Variants in EFCAB6 observed in about 807,000 individuals in gnomAD.
EFCAB6 encodes EF-hand calcium-binding domain-containing protein 6.
Under a neutral mutation model 169.8 loss-of-function variants are expected in EFCAB6, and 156 were observed. That is an observed-to-expected ratio of 0.92 (90% CI 0.81 to 1.05). The LOEUF is 1.05. Ranked by LOEUF, EFCAB6 falls within the 50% of genes least tolerant of loss-of-function variation. The pLI is 0.00. For synonymous variants in EFCAB6, 698 were observed against 676.4 expected, an observed-to-expected ratio of 1.03 and a Z score of -0.50; for missense variants, 1,800 against 1,829.1, an observed-to-expected ratio of 0.98 and a Z score of 0.29.
At chr22:43,567,812 C>A (rs1180104278) in intron 26 of EFCAB6, among the ~76,000 whole-genome samples, 1 of 152,190 alleles carries the variant, frequency 6.6e-6, no homozygotes, top group Non-Finnish European at 1.5e-5. Flanking sequence ...CCATGCGAGG[C>A]AGCCACAGCT....
chr22:43,611,576 C>T (rs973067161), intron 21 of EFCAB6, among the ~76,000 whole-genome samples: 2 of 152,210 alleles, frequency 1.3e-5, no homozygotes, highest in East Asian at 1.9e-4. Flanking sequence ...GTAGGCAGAT[C>T]GCTTGAGCCC....
intron 6 of EFCAB6, among the ~76,000 whole-genome samples, chr22:43,737,531 T>C (rs1350034302): frequency 6.7e-6 from 1 of 148,852 alleles, no homozygotes; most frequent in African/African-American, 2.5e-5. Flanking sequence ...ACACACACCA[T>C]CACTCACACA....
At chr22:43,708,605 T>A (rs2059044993) in intron 10 of EFCAB6, among the ~76,000 whole-genome samples, 1 of 152,088 alleles carries the variant, frequency 6.6e-6, no homozygotes, top group Non-Finnish European at 1.5e-5. Context: ...TATATGCTAT[T>A]TAATAAGAAA....
At chr22:43,738,989 T>G (rs1272548955) in intron 6 of EFCAB6, among the ~76,000 whole-genome samples, 2 of 152,172 alleles carry the variant, frequency 1.3e-5, no homozygotes, top group East Asian at 3.8e-4. Context: ...GAAGTGCTCC[T>G]GCCCGTCCTA....
intron 8 of EFCAB6, among the ~76,000 whole-genome samples, chr22:43,729,271 T>C (rs1052113863): frequency 6.6e-6 from 1 of 152,160 alleles, no homozygotes; most frequent in Non-Finnish European, 1.5e-5. Flanking sequence ...TCTTTCTTTT[T>C]TTAAATAGAG....
At chr22:43,644,763 A>G (rs1193252753) in intron 17 of EFCAB6, among the ~76,000 whole-genome samples, 2 of 152,244 alleles carry the variant, frequency 1.3e-5, no homozygotes, top group African/African-American at 4.8e-5. Flanking sequence ...CATAAAAACT[A>G]AAAGACTAGA....
intron 17 of EFCAB6, among the ~76,000 whole-genome samples, chr22:43,641,222 T>C (rs375923016): frequency 1.3e-5 from 2 of 152,254 alleles, no homozygotes; most frequent in African/African-American, 4.8e-5. Flanking sequence ...CTTGCTATTG[T>C]GTCTGGTTGA....
intron 6 of EFCAB6, among the ~76,000 whole-genome samples, chr22:43,748,720 CCA>C (rs1428975146): frequency 2.6e-5 from 4 of 152,136 alleles, no homozygotes; most frequent in Non-Finnish European, 5.9e-5. Context: ...AACACAGATC[CCA>C]GTCACAAACA....
chr22:43,780,155 C>T (rs1022200949), intron 3 of EFCAB6, among the ~76,000 whole-genome samples: 2 of 152,090 alleles, frequency 1.3e-5, no homozygotes, highest in African/African-American at 4.8e-5. Flanking sequence ...GTGTGAGCTT[C>T]CTGAAGGGTA....
chr22:43,770,387 T>C (rs1266606040), intron 4 of EFCAB6, among the ~76,000 whole-genome samples: 3 of 152,194 alleles, frequency 2.0e-5, no homozygotes, highest in African/African-American at 7.2e-5. Context: ...AAGACCCCTC[T>C]CAATGGAAAA....
Position 43,556,945 on chromosome 22 carries a change from C to T in EFCAB6, c.3421-1849G>A, listed in dbSNP as rs138980378. On this transcript the variant is annotated intron_variant, in intron 26 of 31. Transcript: ENST00000262726. Reference sequence around the variant, plus strand: ...CAAATGCACTTCTCAGACCCAAATACACGAGCATGTCCCTAAGGGATGTTG... The same window carrying T: ...CAAATGCACTTCTCAGACCCAAATATACGAGCATGTCCCTAAGGGATGTTG... Among the ~76,000 whole-genome samples, 161 of 152,312 alleles carry T rather than the reference C, an allele frequency of 1.1e-3. 1 individual carries two copies. Among genetic ancestry groups the T allele is most frequent in the Middle Eastern group, 6.8e-3 (2 of 294 alleles).
chr22:43,596,116 T>C (rs1014088679), intron 23 of EFCAB6, among the ~76,000 whole-genome samples: 1 of 152,110 alleles, frequency 6.6e-6, no homozygotes, highest in African/African-American at 2.4e-5. Context: ...ATAGGCCATA[T>C]ATGACAAACC....
chr22:43,531,827 G>T (rs1399120022), intron 30 of EFCAB6, among the ~76,000 whole-genome samples: 1 of 152,182 alleles, frequency 6.6e-6, no homozygotes, highest in Non-Finnish European at 1.5e-5. Flanking sequence ...CACAGGGCAG[G>T]ACCACCAGCC....
intron 8 of EFCAB6, among the ~76,000 whole-genome samples, chr22:43,727,888 GTTTT>G (rs900549409): frequency 6.8e-6 from 1 of 146,580 alleles, no homozygotes; most frequent in Non-Finnish European, 1.5e-5. Flanking sequence ...GCTTCAAGAA[GTTTT>G]TTTTTTTTCT....
intron 8 of EFCAB6, among the ~76,000 whole-genome samples, chr22:43,728,568 C>T (rs2059822417): frequency 6.6e-6 from 1 of 152,218 alleles, no homozygotes; most frequent in Non-Finnish European, 1.5e-5. Flanking sequence ...TCCTCTCCAG[C>T]ATCTGTTGTT....
At chr22:43,760,557 G>C (rs1331962146) in intron 5 of EFCAB6, among the ~76,000 whole-genome samples, 2 of 152,098 alleles carry the variant, frequency 1.3e-5, no homozygotes, top group African/African-American at 2.4e-5. Context: ...ACTGCTATGG[G>C]TTGAAGGTGT....
rs556052088 is a variant in EFCAB6 at position 43,530,712 on chromosome 22, C to A, written c.4383+103G>T. On this transcript the variant is annotated intron_variant, in intron 31 of 31. Transcript: ENST00000262726. ...GAGATCTGAAGCAGCCAGGTCACAC[C>A]GGGCCTTCGGCAGCAGGTAGAGGGC... The A allele has an allele frequency of 1.0e-3, 1,593 of 1,558,820 alleles. 21 individuals are homozygous for A. Among genetic ancestry groups the A allele is most frequent in the Non-Finnish European group, 9.1e-5 (105 of 1,154,222 alleles).
chr22:43,746,891 A>G (rs1346791037), intron 6 of EFCAB6, among the ~76,000 whole-genome samples: 1 of 152,250 alleles, frequency 6.6e-6, no homozygotes, highest in East Asian at 1.9e-4. Flanking sequence ...TGGGGCCCCT[A>G]AGAGCCCTGG....
chr22:43,805,090 A>G (rs1246014661), intron 2 of EFCAB6, among the ~76,000 whole-genome samples: 1 of 152,248 alleles, frequency 6.6e-6, no homozygotes, highest in African/African-American at 2.4e-5. Flanking sequence ...AAACTGAAAA[A>G]GAAAGCAAGG....
Sources: gnomAD v4.1 joint callset for allele counts (sites outside exome capture counted in the v4.1 genomes callset) on GRCh38, gnomAD v4.1.1 for gene constraint, MANE v1.5 for transcripts, NCBI Gene and HGNC (gene_info 2026-07-23, HGNC 2026-07-21) for gene names.